Variants in TBL1XR1 observed in about 807,000 individuals in gnomAD.
TBL1XR1 encodes the protein TBL1X/Y related 1.
Under a neutral mutation model 66.9 loss-of-function variants are expected in TBL1XR1, and 5 were observed. The observed-to-expected ratio is 0.07, with a 90% CI of 0.04 to 0.16. The LOEUF (loss-of-function observed/expected upper bound fraction) is 0.16, where lower values mean the gene tolerates loss of function less well. TBL1XR1 is among the 10% of genes least tolerant of loss of function. TBL1XR1 has a pLI of 1.00. For synonymous variants in TBL1XR1, 210 were observed against 206.0 expected (o/e 1.02, Z -0.17); for missense variants, 238 against 623.2 (o/e 0.38, Z 6.58).
intron 1 of TBL1XR1, among the ~76,000 whole-genome samples, chr3:177,116,052 T>C (rs1726270505): frequency 6.6e-6 from 1 of 152,300 alleles, no homozygotes; most frequent in African/African-American, 2.4e-5. Flanking sequence ...CCTGCAGCAG[T>C]AGCCATTTTC....
chr3:177,046,246 G>T, intron 9 of TBL1XR1, 57 bp from the exon 10 acceptor site: 2 of 1,301,108 alleles, frequency 1.5e-6, no homozygotes, highest in South Asian at 1.4e-5. Context: ...ACATACATGT[G>T]TAAAGTATAT....
chr3:177,124,115 A>G (rs991131995), intron 1 of TBL1XR1, among the ~76,000 whole-genome samples: 6 of 152,068 alleles, frequency 3.9e-5, no homozygotes, highest in African/African-American at 1.4e-4. Flanking sequence ...GATGAGACCA[A>G]TTTTCAGGGT....
chr3:177,089,384 G>C (rs537681275), intron 2 of TBL1XR1, among the ~76,000 whole-genome samples: 1 of 152,232 alleles, frequency 6.6e-6, no homozygotes, highest in African/African-American at 2.4e-5. Context: ...CTAACTCCCA[G>C]ACTAAGGAAT....
chr3:177,154,472 C>T (rs546991197), intron 1 of TBL1XR1, among the ~76,000 whole-genome samples: 1 of 152,096 alleles, frequency 6.6e-6, no homozygotes, highest in South Asian at 2.1e-4. Context: ...TCTCAGCTCA[C>T]TGCAACTTGT....
chr3:177,090,815 A>T (rs1722738502), intron 2 of TBL1XR1, among the ~76,000 whole-genome samples: 1 of 152,050 alleles, frequency 6.6e-6, no homozygotes. Flanking sequence ...GTCTCGAAAT[A>T]AAATAAAATA....
intron 1 of TBL1XR1, among the ~76,000 whole-genome samples, chr3:177,099,636 G>A (rs868866336): frequency 6.6e-6 from 1 of 152,230 alleles, no homozygotes; most frequent in Non-Finnish European, 1.5e-5. Flanking sequence ...GGGCGTGGGC[G>A]TGAGCCCCCA....
intron 4 of TBL1XR1, among the ~76,000 whole-genome samples, 167 bp downstream of exon 4, chr3:177,053,606 C>G (rs1288557443): frequency 6.6e-6 from 1 of 152,176 alleles, no homozygotes; most frequent in Non-Finnish European, 1.5e-5. Context: ...CAACTAGGCG[C>G]CAACACCTTG....
intron 3 of TBL1XR1, among the ~76,000 whole-genome samples, chr3:177,058,922 T>TG (rs762198707): frequency 6.6e-6 from 1 of 152,028 alleles, no homozygotes; most frequent in South Asian, 2.1e-4. Flanking sequence ...AAAACTTATT[T>TG]GGGAAAAAAA....
intron 2 of TBL1XR1, among the ~76,000 whole-genome samples, chr3:177,069,050 T>TA (rs1377853456): frequency 1.3e-5 from 2 of 152,204 alleles, no homozygotes; most frequent in Admixed American, 6.5e-5. Context: ...AATAACATCT[T>TA]GGATGGCCTA....
At chr3:177,192,539 A>G (rs1736294015) in intron 1 of TBL1XR1, among the ~76,000 whole-genome samples, 1 of 152,208 alleles carries the variant, frequency 6.6e-6, no homozygotes, top group African/African-American at 2.4e-5. Flanking sequence ...CCAATCATGT[A>G]AATTATTCAT....
chr3:177,128,634 A>T (rs1347203979), intron 1 of TBL1XR1, among the ~76,000 whole-genome samples: 1 of 152,154 alleles, frequency 6.6e-6, no homozygotes, highest in African/African-American at 2.4e-5. Flanking sequence ...TCGTCCTCCG[A>T]AAGTGCTGGG....
At chr3:177,140,738 CATAAAT>C (rs1398227742) in intron 1 of TBL1XR1, among the ~76,000 whole-genome samples, 3 of 152,308 alleles carry the variant, frequency 2.0e-5, no homozygotes, top group South Asian at 2.1e-4. Context: ...TTTCCTTCCT[CATAAAT>C]ATAAGTAAAT....
chr3:177,094,314 T>G (rs2108653039), intron 2 of TBL1XR1, among the ~76,000 whole-genome samples: 1 of 152,038 alleles, frequency 6.6e-6, no homozygotes, highest in Non-Finnish European at 1.5e-5. Flanking sequence ...AATCAAAAAA[T>G]GAAAAAATAA....
At chr3:177,120,544 T>G (rs1726865254) in intron 1 of TBL1XR1, 2 of 152,194 alleles carry the variant, frequency 1.3e-5, no homozygotes, top group Admixed American at 1.3e-4. Flanking sequence ...CTTAAGATTT[T>G]CCAGTGGATA....
At chr3:177,096,454 G>A (rs1323421159) in intron 2 of TBL1XR1, among the ~76,000 whole-genome samples, 6 of 151,848 alleles carry the variant, frequency 4.0e-5, no homozygotes, top group East Asian at 3.8e-4. Flanking sequence ...GTCTATGAGC[G>A]GTTATAAAAA....
At chr3:177,164,196 G>C (rs1019742370) in intron 1 of TBL1XR1, among the ~76,000 whole-genome samples, 3 of 152,126 alleles carry the variant, frequency 2.0e-5, no homozygotes, top group African/African-American at 7.2e-5. Flanking sequence ...TTGTGGCTTG[G>C]TTAGGACTCC....
chr3:177,110,072 G>A (rs576270856), intron 1 of TBL1XR1, among the ~76,000 whole-genome samples: 1 of 152,150 alleles, frequency 6.6e-6, no homozygotes, highest in South Asian at 2.1e-4. Context: ...CCTATATATT[G>A]TGAAGCTACA....
chr3:177,086,855 T>C (rs1361802238), intron 2 of TBL1XR1: 1 of 151,818 alleles, frequency 6.6e-6, no homozygotes, highest in African/African-American at 2.4e-5. Flanking sequence ...GTCTTACTAG[T>C]AACATAAACA....
intron 1 of TBL1XR1, among the ~76,000 whole-genome samples, chr3:177,189,569 C>T (rs1263323734): frequency 6.7e-5 from 10 of 149,074 alleles, no homozygotes; most frequent in Non-Finnish European, 1.2e-4. Flanking sequence ...GCAGGAGAAT[C>T]GCTTGAACCC....
Sources: gnomAD v4.1 joint callset for allele counts (sites outside exome capture counted in the v4.1 genomes callset) on GRCh38, gnomAD v4.1.1 for gene constraint, MANE v1.5 for transcripts, NCBI Gene and HGNC (gene_info 2026-07-23, HGNC 2026-07-21) for gene names.